Variants in GLIS3 observed in about 807,000 individuals in gnomAD.
GLIS3 encodes the protein GLIS family zinc finger 3, also known as zinc finger protein GLIS3.
Under a neutral mutation model 78.6 loss-of-function variants are expected in GLIS3, and 53 were observed. That is an observed-to-expected ratio of 0.67 (90% CI 0.54 to 0.85). The LOEUF (loss-of-function observed/expected upper bound fraction) is 0.85, where lower values mean the gene tolerates loss of function less well. Among genes scored for constraint, GLIS3 ranks in the 40% least tolerant of loss-of-function variants. GLIS3 has a pLI of 0.00. For synonymous variants in GLIS3, 684 were observed against 509.9 expected, an observed-to-expected ratio of 1.34 and a Z score of -4.60; for missense variants, 1,703 against 1,231.1, an observed-to-expected ratio of 1.38 and a Z score of -5.74.
chr9:4,486,275 T>C, the GLIS3 span, among the ~76,000 whole-genome samples: 4 of 152,058 alleles, frequency 2.6e-5, no homozygotes, highest in African/African-American at 9.7e-5. Flanking sequence ...CACAAAGAAG[T>C]GGAAGTTCCT....
chr9:4,444,263 A>G, the GLIS3 span, among the ~76,000 whole-genome samples: 2 of 152,244 alleles, frequency 1.3e-5, no homozygotes, highest in Admixed American at 1.3e-4. Context: ...ATTCACAAGA[A>G]CAGCATAATA....
At chr9:3,933,075 G>T (rs1825711480) in intron 5 of GLIS3, among the ~76,000 whole-genome samples, 1 of 152,176 alleles carries the variant, frequency 6.6e-6, no homozygotes, top group Admixed American at 6.5e-5. Flanking sequence ...TGAGTTAAGT[G>T]AATAAGCTCT....
intron 4 of GLIS3, among the ~76,000 whole-genome samples, chr9:4,007,411 C>A (rs1821638629): frequency 1.3e-5 from 2 of 152,168 alleles, no homozygotes; most frequent in African/African-American, 4.8e-5. Flanking sequence ...GGTCCCCTTC[C>A]TTACCCTGGT....
the GLIS3 span, among the ~76,000 whole-genome samples, chr9:4,400,152 G>C: frequency 6.6e-6 from 1 of 152,214 alleles, no homozygotes; most frequent in Non-Finnish European, 1.5e-5. Flanking sequence ...ATTTGAGAAA[G>C]ATGGCTCTTC....
chr9:4,020,813 G>A (rs1822824608), intron 4 of GLIS3, among the ~76,000 whole-genome samples: 1 of 152,210 alleles, frequency 6.6e-6, no homozygotes, highest in Non-Finnish European at 1.5e-5. Context: ...GGAGGACTGT[G>A]TTTCAAATTC....
At chr9:4,437,563 G>A in the GLIS3 span, among the ~76,000 whole-genome samples, 1 of 152,146 alleles carries the variant, frequency 6.6e-6, no homozygotes, top group Non-Finnish European at 1.5e-5. Context: ...CGAGAGATTT[G>A]GCAGCTGGCC....
At chr9:3,999,159 C>A (rs1360063174) in intron 4 of GLIS3, among the ~76,000 whole-genome samples, 3 of 152,088 alleles carry the variant, frequency 2.0e-5, no homozygotes, top group African/African-American at 7.2e-5. Flanking sequence ...TATGGCTATG[C>A]CATGGTAATT....
intron 4 of GLIS3, among the ~76,000 whole-genome samples, chr9:4,098,623 T>C (rs77141736): frequency 0.013 from 1,935 of 152,314 alleles, 30 homozygotes; most frequent in African/African-American, 0.042. Flanking sequence ...ACCATCGGTG[T>C]AGTTCTAAAA....
intron 2 of GLIS3, among the ~76,000 whole-genome samples, chr9:4,224,280 A>C (rs1821576280): frequency 6.6e-6 from 1 of 152,192 alleles, no homozygotes; most frequent in African/African-American, 2.4e-5. Context: ...AGTCTTAAAA[A>C]AATATTCAAT....
At chr9:4,311,195 G>T (rs542242813) in intron 2 of GLIS3, among the ~76,000 whole-genome samples, 1 of 152,326 alleles carries the variant, frequency 6.6e-6, no homozygotes, top group East Asian at 1.9e-4. Context: ...GATCACTTGA[G>T]CCCCGGAGTT....
intron 2 of GLIS3, among the ~76,000 whole-genome samples, chr9:4,191,383 C>G (rs985611287): frequency 6.6e-6 from 1 of 152,148 alleles, no homozygotes; most frequent in Non-Finnish European, 1.5e-5. Flanking sequence ...AAATCGTTAT[C>G]ATAATAATGT....
the GLIS3 span, among the ~76,000 whole-genome samples, chr9:4,479,773 G>A: frequency 2.6e-5 from 4 of 152,072 alleles, no homozygotes; most frequent in African/African-American, 4.8e-5. Context: ...AGACAGAGCT[G>A]CTACCCTCCT....
the GLIS3 span, among the ~76,000 whole-genome samples, chr9:4,370,912 A>C: frequency 6.6e-6 from 1 of 152,120 alleles, no homozygotes; most frequent in Non-Finnish European, 1.5e-5. Flanking sequence ...AAAAGATATC[A>C]TAACGCCTTC....
At chr9:4,398,508 G>C in the GLIS3 span, among the ~76,000 whole-genome samples, 1 of 151,818 alleles carries the variant, frequency 6.6e-6, no homozygotes, top group African/African-American at 2.4e-5. Context: ...GAGGGGGTGG[G>C]GGCCTGGAGA....
the GLIS3 span, among the ~76,000 whole-genome samples, chr9:4,489,686 C>G: frequency 6.6e-6 from 1 of 152,228 alleles, no homozygotes; most frequent in Non-Finnish European, 1.5e-5. Flanking sequence ...GGACCGCCCA[C>G]TTTCTCCCCA....
At chr9:4,050,351 A>G (rs1319813429) in intron 4 of GLIS3, among the ~76,000 whole-genome samples, 1 of 152,184 alleles carries the variant, frequency 6.6e-6, no homozygotes, top group Non-Finnish European at 1.5e-5. Flanking sequence ...GCAAGGACAG[A>G]AAACCAAACA....
chr9:3,984,024 C>T (rs1019857662), intron 4 of GLIS3, among the ~76,000 whole-genome samples: 1 of 152,218 alleles, frequency 6.6e-6, no homozygotes, highest in Admixed American at 6.5e-5. Flanking sequence ...CTATCACAGG[C>T]CCCGAGGCCT....
chr9:3,981,017 A>C (rs1212461656), intron 4 of GLIS3, among the ~76,000 whole-genome samples: 1 of 152,158 alleles, frequency 6.6e-6, no homozygotes, highest in Admixed American at 6.5e-5. Context: ...CTTTTGTTGC[A>C]GGGCTGGACG....
At chr9:4,353,550 G>A in the GLIS3 span, among the ~76,000 whole-genome samples, 1 of 152,118 alleles carries the variant, frequency 6.6e-6, no homozygotes, top group African/African-American at 2.4e-5. Flanking sequence ...GTACTTGTGT[G>A]TTGACAGCAA....
Sources: gnomAD v4.1 joint callset for allele counts (sites outside exome capture counted in the v4.1 genomes callset) on GRCh38, gnomAD v4.1.1 for gene constraint, MANE v1.5 for transcripts, NCBI Gene and HGNC (gene_info 2026-07-23, HGNC 2026-07-21) for gene names.